The following NXPE2 variants were observed in gnomAD, a reference collection of about 807,000 sequenced individuals.
NXPE2 encodes NXPE family member 2.
A neutral mutation model predicts 34.4 loss-of-function variants in NXPE2; 34 were observed. That is an observed-to-expected ratio of 0.99 (90% CI 0.75 to 1.31). The LOEUF is 1.31. Among genes scored for constraint, NXPE2 ranks in the 40% most tolerant of loss-of-function variants. The pLI, the probability that NXPE2 is intolerant of heterozygous loss-of-function variation, is 0.00. For missense variants in NXPE2, 649 were observed against 672.5 expected, an observed-to-expected ratio of 0.97 and a Z score of 0.39; for synonymous variants, 235 against 231.3, an observed-to-expected ratio of 1.02 and a Z score of -0.15.
At chr11:114,635,220 G>C in the NXPE2 span, among the ~76,000 whole-genome samples, 1 of 149,834 alleles carries the variant, frequency 6.7e-6, no homozygotes, top group Admixed American at 6.7e-5. Flanking sequence ...TATTATCTTT[G>C]AAGCAATTGT....
the NXPE2 span, among the ~76,000 whole-genome samples, chr11:114,632,909 A>G: frequency 1.2e-5 from 1 of 82,458 alleles, no homozygotes; most frequent in Non-Finnish European, 2.1e-5. Flanking sequence ...GTAATACAAT[A>G]TTATATTTTA....
At chr11:114,610,985 T>G in the NXPE2 span, among the ~76,000 whole-genome samples, 1,396 of 151,954 alleles carry the variant, frequency 9.2e-3, 19 homozygotes, top group African/African-American at 0.032. Flanking sequence ...GGGTAACCAC[T>G]GTTACCCACT....
At chr11:114,675,106 A>C (rs1175960592), upstream of NXPE2, among the ~76,000 whole-genome samples, 1 of 151,786 alleles carries the variant, frequency 6.6e-6, no homozygotes, top group Non-Finnish European at 1.5e-5. Flanking sequence ...ATGTCTTTTC[A>C]TGAGAAAAAA....
the NXPE2 span, among the ~76,000 whole-genome samples, chr11:114,519,602 A>C: frequency 6.6e-6 from 1 of 152,116 alleles, no homozygotes; most frequent in African/African-American, 2.4e-5. Context: ...AAATAATTCA[A>C]TCTGGTTTTA....
At chr11:114,530,755 G>A in the NXPE2 span, 3 of 1,614,198 alleles carry the variant, frequency 1.9e-6, no homozygotes, top group Non-Finnish European at 2.5e-6. Context: ...GGTCTGGGTG[G>A]GATCTGCTGA....
At chr11:114,478,725 A>C in the NXPE2 span, among the ~76,000 whole-genome samples, 1 of 152,190 alleles carries the variant, frequency 6.6e-6, no homozygotes, top group Non-Finnish European at 1.5e-5. Context: ...TTTATTCACT[A>C]TCTCAACAAA....
At chr11:114,610,666 T>C in the NXPE2 span, among the ~76,000 whole-genome samples, 3 of 152,014 alleles carry the variant, frequency 2.0e-5, no homozygotes, top group East Asian at 1.9e-4. Flanking sequence ...CGGTGGATAA[T>C]ACATGTTGCC....
chr11:114,530,311 A>T, the NXPE2 span: 1 of 1,614,242 alleles, frequency 6.2e-7, no homozygotes, highest in Non-Finnish European at 8.5e-7. Flanking sequence ...TCATCCAGAT[A>T]TTCACAGAGT....
At chr11:114,682,628 T>C (rs1950968826) in intron 2 of NXPE2, among the ~76,000 whole-genome samples, 1 of 152,188 alleles carries the variant, frequency 6.6e-6, no homozygotes, top group South Asian at 2.1e-4. Flanking sequence ...TAACGTTAAT[T>C]AAAATTTTTT....
chr11:114,677,482 G>A (rs1950871581), upstream of NXPE2, among the ~76,000 whole-genome samples: 1 of 152,040 alleles, frequency 6.6e-6, no homozygotes, highest in Non-Finnish European at 1.5e-5. Flanking sequence ...GCAGCACAAG[G>A]CAGAGGAGAA....
chr11:114,533,426 C>CGGACAGTGGGTGCA, the NXPE2 span, among the ~76,000 whole-genome samples: 1 of 152,100 alleles, frequency 6.6e-6, no homozygotes, highest in African/African-American at 2.4e-5. Flanking sequence ...TGGGGAGTGC[C>CGGACAGTGGGTGCA]GGACAGTGGG....
chr11:114,489,439 A>G, the NXPE2 span, among the ~76,000 whole-genome samples: 3 of 152,226 alleles, frequency 2.0e-5, no homozygotes, highest in African/African-American at 7.2e-5. Context: ...CTTGATGAAC[A>G]TTGATGCAAA....
chr11:114,520,309 G>C, the NXPE2 span, among the ~76,000 whole-genome samples: 312 of 152,142 alleles, frequency 2.1e-3, 1 homozygote, highest in African/African-American at 7.3e-3. Flanking sequence ...CTGTTTCTAT[G>C]TGTAGTTTTT....
chr11:114,584,963 G>A, the NXPE2 span, among the ~76,000 whole-genome samples: 2 of 152,010 alleles, frequency 1.3e-5, no homozygotes, highest in African/African-American at 4.8e-5. Flanking sequence ...GAATACTTTT[G>A]TGCAAACAGA....
rs753761882 is a variant in NXPE2, at chr11:114,698,140, A to G, written c.228A>G (p.Ser76=). ...HSETPLCPAV[S]PKETELRIKD... The stretch of plus-strand genomic sequence containing the variant: ...AAACACCACTGTGTCCAGCAGTTTC[A>G]CCAAAAGAGACTGAACTTAGAATAA... The change falls in exon 3 of 6, where the codon TCA becomes TCG. Residue 76 remains serine, a synonymous_variant. Transcript: ENST00000389586. The G allele has an allele frequency of 2.5e-6, 4 of 1,614,150 alleles. No homozygotes were observed. The highest frequency in any genetic ancestry group is 3.4e-6 in the Non-Finnish European group (4 of 1,179,972).
At chr11:114,582,370 G>A in the NXPE2 span, 11 of 1,613,900 alleles carry the variant, frequency 6.8e-6, no homozygotes, top group East Asian at 2.2e-5. Context: ...GCAGCACAGG[G>A]CATGTGTTGA....
the NXPE2 span, among the ~76,000 whole-genome samples, chr11:114,801,595 T>C: frequency 1.3e-5 from 2 of 152,154 alleles, no homozygotes; most frequent in African/African-American, 2.4e-5. Flanking sequence ...TTGGAGAATA[T>C]GTTATAGGTT....
the NXPE2 span, among the ~76,000 whole-genome samples, chr11:114,483,640 G>C: frequency 1.3e-5 from 2 of 152,174 alleles, no homozygotes; most frequent in South Asian, 2.1e-4. Context: ...TGTTCCTGTT[G>C]TTGATGGGTA....
At chr11:114,649,902 G>A in the NXPE2 span, among the ~76,000 whole-genome samples, 1,095 of 152,264 alleles carry the variant, frequency 7.2e-3, 4 homozygotes, top group Non-Finnish European at 0.011. Context: ...AGGGCTGGTT[G>A]GTAAATGCGT....
Sources: gnomAD v4.1 joint callset for allele counts (sites outside exome capture counted in the v4.1 genomes callset) on GRCh38, gnomAD v4.1.1 for gene constraint, MANE v1.5 for transcripts, NCBI Gene and HGNC (gene_info 2026-07-23, HGNC 2026-07-21) for gene names.